The following GRIK1 variants were observed in gnomAD, a reference collection of about 807,000 sequenced individuals.
GRIK1 encodes the protein glutamate receptor ionotropic, kainate 1.
In GRIK1, 69 loss-of-function variants were observed where a neutral mutation model predicts 105.7. The ratio of observed to expected loss-of-function variants is 0.65; its 90% CI spans 0.54 to 0.80. The LOEUF is 0.80. Among genes scored for constraint, GRIK1 ranks in the 30% least tolerant of loss-of-function variants. The pLI is 0.00. For missense variants in GRIK1, 1,109 were observed against 1,167.3 expected, an observed-to-expected ratio of 0.95 and a Z score of 0.73; for synonymous variants, 438 against 431.3, an observed-to-expected ratio of 1.02 and a Z score of -0.19.
intron 1 of GRIK1, among the ~76,000 whole-genome samples, chr21:29,924,761 T>A (rs2071303801): frequency 6.6e-6 from 1 of 152,218 alleles, no homozygotes; most frequent in African/African-American, 2.4e-5. Context: ...CGTCTCATCC[T>A]CTTAGAGGTG....
At chr21:29,939,198 C>T (rs986896222) in intron 1 of GRIK1, among the ~76,000 whole-genome samples, 185 bp downstream of exon 1, 2 of 152,176 alleles carry the variant, frequency 1.3e-5, no homozygotes, top group African/African-American at 4.8e-5. Context: ...AGGCCGGCAC[C>T]CTCCAGGAGG....
At chr21:29,712,251 A>C (rs192499253) in intron 1 of GRIK1, among the ~76,000 whole-genome samples, 2 of 152,220 alleles carry the variant, frequency 1.3e-5, no homozygotes, top group East Asian at 3.9e-4. Flanking sequence ...TATTCCACCT[A>C]AAAACACAAA....
At chr21:29,819,182 C>T (rs938725860) in intron 1 of GRIK1, among the ~76,000 whole-genome samples, 2 of 152,030 alleles carry the variant, frequency 1.3e-5, no homozygotes, top group Admixed American at 6.6e-5. Context: ...AGCTATTTTC[C>T]AAGTAGGCAT....
intron 1 of GRIK1, among the ~76,000 whole-genome samples, chr21:29,819,265 T>C (rs2067234915): frequency 6.6e-6 from 1 of 152,106 alleles, no homozygotes; most frequent in South Asian, 2.1e-4. Flanking sequence ...CCATTTCAAA[T>C]AAGCTTGAAG....
At chr21:29,777,760 T>G (rs1333897294) in intron 1 of GRIK1, among the ~76,000 whole-genome samples, 1 of 152,136 alleles carries the variant, frequency 6.6e-6, no homozygotes, top group Non-Finnish European at 1.5e-5. Flanking sequence ...TGCAGGTGAC[T>G]GTCGGACTAG....
chr21:29,676,337 C>G (rs1187049560), intron 3 of GRIK1, among the ~76,000 whole-genome samples: 1 of 152,082 alleles, frequency 6.6e-6, no homozygotes, highest in Admixed American at 6.6e-5. Flanking sequence ...TATTTCTCTT[C>G]CTGAAGCAAT....
At chr21:29,702,231 A>G (rs186345829) in intron 1 of GRIK1, among the ~76,000 whole-genome samples, 84 of 152,354 alleles carry the variant, frequency 5.5e-4, no homozygotes, top group Non-Finnish European at 1.0e-3. Context: ...TTATCTGCAC[A>G]GCAACCCACC....
chr21:29,540,713 T>C (rs940379227), intron 16 of GRIK1, among the ~76,000 whole-genome samples: 3 of 152,204 alleles, frequency 2.0e-5, no homozygotes, highest in African/African-American at 7.2e-5. Flanking sequence ...GGGTTTTTCA[T>C]ATTCACAGAG....
chr21:29,678,800 G>C (rs1247218510), intron 3 of GRIK1, among the ~76,000 whole-genome samples: 1 of 152,162 alleles, frequency 6.6e-6, no homozygotes, highest in Non-Finnish European at 1.5e-5. Context: ...GAGTGGTGAT[G>C]ACAGAAGGTG....
intron 1 of GRIK1, among the ~76,000 whole-genome samples, chr21:29,819,431 CA>C (rs1286193692): frequency 6.6e-6 from 1 of 151,900 alleles, no homozygotes; most frequent in Non-Finnish European, 1.5e-5. Flanking sequence ...TCAGAAAGGA[CA>C]AATTCTAGGG....
At chr21:29,656,687 G>C (rs7279980) in intron 4 of GRIK1, among the ~76,000 whole-genome samples, 171 of 152,290 alleles carry the variant, frequency 1.1e-3, no homozygotes, top group Non-Finnish European at 1.8e-3. Flanking sequence ...GAAAGACATT[G>C]CAAGTTATCA....
intron 16 of GRIK1, 139 bp downstream of exon 16, chr21:29,554,913 C>G: frequency 1.5e-6 from 1 of 660,798 alleles, no homozygotes; most frequent in Admixed American, 2.9e-5. Flanking sequence ...TTCAATAGCT[C>G]TCTGCTCTAA....
intron 1 of GRIK1, among the ~76,000 whole-genome samples, chr21:29,711,553 G>T (rs988620153): frequency 1.3e-5 from 2 of 152,020 alleles, no homozygotes; most frequent in Non-Finnish European, 2.9e-5. Flanking sequence ...CTTTTTGAGA[G>T]ATTAGCAGAA....
At chr21:29,569,868 T>C (rs1027991913) in intron 14 of GRIK1, among the ~76,000 whole-genome samples, 1 of 152,210 alleles carries the variant, frequency 6.6e-6, no homozygotes, top group African/African-American at 2.4e-5. Flanking sequence ...CTTAGCATAC[T>C]ATTTCTGAAA....
In GRIK1 at chr21:29,809,663, C is replaced by T. The variant is rs961535371; in HGVS notation, c.119-115600G>A. On this transcript the variant is annotated intron_variant, in intron 1 of 17. Transcript: ENST00000327783. ...CTTTTCACTTCCATCACGAACTTTT[C>T]TCTTGCATTCACAACTTGACTAATT... is the stretch of plus-strand genomic sequence containing the variant. 4.6e-5 allele frequency among the ~76,000 whole-genome samples: 7 copies of T among 152,316 alleles called. No homozygotes were observed. In the East Asian group the frequency reaches 1.4e-3, roughly 29 times the overall value.
intron 1 of GRIK1, among the ~76,000 whole-genome samples, chr21:29,798,723 C>G (rs984173100): frequency 6.6e-6 from 1 of 152,170 alleles, no homozygotes; most frequent in African/African-American, 2.4e-5. Flanking sequence ...CCAAATACTC[C>G]TCGGCATGTC....
intron 1 of GRIK1, among the ~76,000 whole-genome samples, chr21:29,823,362 C>T (rs2067357849): frequency 6.6e-6 from 1 of 151,596 alleles, no homozygotes; most frequent in African/African-American, 2.4e-5. Flanking sequence ...TTAATTTGAC[C>T]TTTATAGAGC....
intron 7 of GRIK1, among the ~76,000 whole-genome samples, chr21:29,608,716 C>T (rs1211683515): frequency 6.6e-6 from 1 of 152,120 alleles, no homozygotes; most frequent in Non-Finnish European, 1.5e-5. Flanking sequence ...AAACTACAGT[C>T]TGGAAATAGC....
At chr21:29,856,347 A>T (rs2146071851) in intron 1 of GRIK1, among the ~76,000 whole-genome samples, 1 of 152,324 alleles carries the variant, frequency 6.6e-6, no homozygotes. Flanking sequence ...GAAGTAGCCA[A>T]TTATGTTGAA....
Sources: allele counts gnomAD v4.1 joint callset (sites outside exome capture counted in the v4.1 genomes callset), GRCh38; gene constraint gnomAD v4.1.1; transcripts MANE v1.5; gene names NCBI Gene and HGNC (gene_info 2026-07-23, HGNC 2026-07-21).